The following NXPH4 variants were observed in gnomAD, a reference collection of about 807,000 sequenced individuals.
NXPH4 encodes neurexophilin-4.
Under a neutral mutation model 21.3 loss-of-function variants are expected in NXPH4, and 8 were observed. The ratio of observed to expected loss-of-function variants is 0.38; its 90% CI spans 0.22 to 0.68. NXPH4 has a LOEUF of 0.68. Ranked by LOEUF, NXPH4 falls within the 30% of genes least tolerant of loss-of-function variation. NXPH4 has a pLI of 0.53. For synonymous variants in NXPH4, 219 were observed against 192.6 expected, an observed-to-expected ratio of 1.14 and a Z score of -1.13; for missense variants, 418 against 416.8, an observed-to-expected ratio of 1.00 and a Z score of -0.03.
chr12:57,217,684 C>T (rs1275570407), intron 1 of NXPH4, among the ~76,000 whole-genome samples: 1 of 152,238 alleles, frequency 6.6e-6, no homozygotes, highest in African/African-American at 2.4e-5. Flanking sequence ...CTCCCTGCCT[C>T]CAACCCCACT....
chr12:57,225,252 G>A lies in NXPH4; in HGVS notation c.432G>A (p.Ser144=). Residue 144 remains serine, a synonymous_variant, in exon 2 of 2, where the codon TCG becomes TCA. Transcript: ENST00000349394. ...GTFSVYFRHN[S]SSLGNLSVSI... is the part of the protein sequence containing the mutation. Reference sequence around the variant, plus strand: ...TCAGTGTGTATTTCCGCCACAACTCGTCCAGCCTGGGCAACCTCAGTGTCA... The same window carrying A: ...TCAGTGTGTATTTCCGCCACAACTCATCCAGCCTGGGCAACCTCAGTGTCA... The A allele has an allele frequency of 1.3e-6, 2 of 1,549,622 alleles. No individual in the cohort carries two copies. Among genetic ancestry groups the A allele is most frequent in the Non-Finnish European group, 1.7e-6 (2 of 1,149,512 alleles).
At position 57,225,823 on chromosome 12, in the gene NXPH4, G is replaced by A; in HGVS notation, c.*76G>A. 1 of 1,538,976 alleles carries A rather than the reference G, an allele frequency of 6.5e-7. No individual in the cohort carries two copies. ...GGTGGGACCCCCTTCCCAGTGTTCT[G>A]CCGCTCCTGTGGCCATGTCGCCCAC... On this transcript the variant is annotated 3_prime_UTR_variant, in exon 2 of 2. Coordinates refer to ENST00000349394, the MANE Select transcript of NXPH4 (RefSeq NM_007224.4).
In NXPH4 at chr12:57,225,094, A is replaced by G. The variant is rs577223978; in HGVS notation, c.274A>G (p.Lys92Glu). 8 of 1,492,344 alleles carry G rather than the reference A, an allele frequency of 5.4e-6. No homozygotes were observed. In the East Asian group the frequency reaches 1.5e-4, roughly 27 times the overall value. The allele number at this position is 1,492,344 out of a possible 1,614,324, so 92.4% of individuals were successfully genotyped here. A position where few individuals can be genotyped will look rare whatever the true frequency, so the allele number is the denominator to read the frequency against. Residue 92 changes from lysine (K) to glutamate (E), a missense_variant, in exon 2 of 2, where the codon AAG becomes GAG. Coordinates refer to ENST00000349394, the MANE Select transcript of NXPH4 (RefSeq NM_007224.4). ...CGGGGCGTTGCCCGCGCAGCGCACC[A>G]AGAGGAAGCCGTCCATCAAGGCGGC... ...AAGALPAQRT[K>E]RKPSIKAARA...
chr12:57,216,814 C>T lies in NXPH4; in HGVS notation c.-156C>T. ...CCCCCAGCGCCGGCTCCGCGCCTCGCGCCCAGTCCGCGGGCCGCGCCGCCG... is the reference window on the plus strand; with the variant it reads ...CCCCCAGCGCCGGCTCCGCGCCTCGTGCCCAGTCCGCGGGCCGCGCCGCCG... On this transcript the variant is annotated 5_prime_UTR_variant, in exon 1 of 2. Transcript: ENST00000349394. The surrounding 1 kb of genome is among the most constrained non-coding windows in gnomAD (Gnocchi z 5.3). 3.8e-6 allele frequency: 1 copy of T among 265,264 alleles called. No homozygotes were observed. Among genetic ancestry groups the T allele is most frequent in the Non-Finnish European group, 5.4e-6 (1 of 185,618 alleles). The allele number at this position is 265,264 out of a possible 1,614,324, so 16.4% of individuals were successfully genotyped here.
Position 57,225,416 on chromosome 12 carries a change from C to CGGCGGG in NXPH4, c.598_603dup (p.Ala200_Gly201dup), listed in dbSNP as rs748521991. On this transcript the variant is annotated inframe_insertion, in exon 2 of 2. Transcript: ENST00000349394. ...CCCCCGCTGGGGATGGCAGCAGCAG[C>CGGCGGG]GGCGGGGCCCGGGCTTGGGGGCTCC... is the stretch of plus-strand genomic sequence containing the variant. 6.2e-7 allele frequency: 1 copy of CGGCGGG among 1,601,858 alleles called. No homozygotes were observed. The highest frequency in any genetic ancestry group is 2.2e-5 in the East Asian group (1 of 44,752).
chr12:57,220,614 G>T lies in NXPH4; in HGVS notation c.57+3588G>T, dbSNP rs1258452377. On this transcript the variant is annotated intron_variant, in intron 1 of 1. Coordinates refer to ENST00000349394, the MANE Select transcript of NXPH4 (RefSeq NM_007224.4). ...CCACCAGCGGTCCCCGCCCCCTCAT[G>T]CAGTGGTAGGGTCTGGAAAGAGGTG... Among the ~76,000 whole-genome samples, 4 of 152,218 alleles carry T rather than the reference G, an allele frequency of 2.6e-5. No homozygotes were observed. In the East Asian group the frequency reaches 7.7e-4, roughly 29 times the overall value.
chr12:57,222,114 T>C (rs2037097483), intron 1 of NXPH4, among the ~76,000 whole-genome samples: 1 of 150,100 alleles, frequency 6.7e-6, no homozygotes, highest in Non-Finnish European at 1.5e-5. Flanking sequence ...TTCTCGGCTC[T>C]CGTTTCCTCA....
Position 57,221,398 on chromosome 12 carries a change from G to A in NXPH4, c.58-3480G>A, listed in dbSNP as rs762765725. ...GGGAAAAGCAACGGGCCAGCCTGGA[G>A]GCCCAGGGGAGGTGCACCCTGCAAT... is the stretch of plus-strand genomic sequence containing the variant. On this transcript the variant is annotated intron_variant, in intron 1 of 1. Coordinates refer to ENST00000349394, the MANE Select transcript of NXPH4 (RefSeq NM_007224.4). 112 of 455,250 alleles carry A rather than the reference G, an allele frequency of 2.5e-4. 1 individual carries two copies. The highest frequency in any genetic ancestry group is 2.2e-3 in the African/African-American group (109 of 50,048). 28.2% of individuals were successfully genotyped at this position (455,250 alleles called of 1,614,324 possible). A position where few individuals can be genotyped will look rare whatever the true frequency, so the allele number is the denominator to read the frequency against.
At chr12:57,222,303 G>C (rs1239328904) in intron 1 of NXPH4, among the ~76,000 whole-genome samples, 1 of 152,110 alleles carries the variant, frequency 6.6e-6, no homozygotes, top group Non-Finnish European at 1.5e-5. Flanking sequence ...ATCAGAGATG[G>C]GGGTGACACC....
intron 1 of NXPH4, among the ~76,000 whole-genome samples, chr12:57,218,829 GTGTT>G (rs1300043764): frequency 2.6e-5 from 4 of 152,226 alleles, no homozygotes; most frequent in African/African-American, 4.8e-5. Context: ...GGGTATATGA[GTGTT>G]TGTGTGTCCA....
In NXPH4 at chr12:57,225,380, C is replaced by G; in HGVS notation, c.560C>G (p.Pro187Arg). Residue 187 changes from proline (P) to arginine (R), a missense_variant, in exon 2 of 2, where the codon CCT becomes CGT. Transcript: ENST00000349394. ...QSTLALEGVL[P>R]GLGPPLGMAA... ...ACGCTCGCCCTGGAGGGGGTGCTTC[C>G]TGGGCTGGGGCCCCCGCTGGGGATG... 2 of 1,593,838 alleles carry G rather than the reference C, an allele frequency of 1.3e-6. No homozygotes were observed. The highest frequency in any genetic ancestry group is 2.3e-5 in the South Asian group (2 of 88,516).
Position 57,225,396 on chromosome 12 carries a change from G to T in NXPH4, c.576G>T (p.Pro192=). Residue 192 remains proline, a synonymous_variant, in exon 2 of 2, where the codon CCG becomes CCT. Transcript: ENST00000349394. ...GGGTGCTTCCTGGGCTGGGGCCCCC[G>T]CTGGGGATGGCAGCAGCAGCGGCGG... The part of the protein sequence containing the change: ...LEGVLPGLGP[P]LGMAAAAAGP... The T allele has an allele frequency of 6.3e-7, 1 of 1,598,870 alleles. No individual in the cohort carries two copies.
At position 57,216,871 on chromosome 12, in the gene NXPH4, C is replaced by G. The variant is rs1447290554; in HGVS notation, c.-99C>G. On this transcript the variant is annotated 5_prime_UTR_variant, in exon 1 of 2. Coordinates refer to ENST00000349394, the MANE Select transcript of NXPH4 (RefSeq NM_007224.4). This position sits in a 1 kb window ranked among gnomAD's most constrained non-coding sequence, Gnocchi z 5.3. The stretch of plus-strand genomic sequence containing the variant: ...CCGCTCCCGCCGCTCCCGCCGCTCC[C>G]GCAGCCGCCCCGCCGCCCGCCCGGA... 5.8e-6 allele frequency: 4 copies of G among 692,708 alleles called. No individual in the cohort carries two copies. The East Asian group carries it at 4.0e-4, about 70-fold the overall frequency. The allele number at this position is 692,708 out of a possible 1,614,324, so 42.9% of individuals were successfully genotyped here.
chr12:57,224,171 G>C (rs1775263294), intron 1 of NXPH4, among the ~76,000 whole-genome samples: 1 of 151,948 alleles, frequency 6.6e-6, no homozygotes, highest in South Asian at 2.1e-4. Context: ...TGTCGCCCAG[G>C]CTGGAGTGCA....
chr12:57,225,541 A>C lies in NXPH4; in HGVS notation c.721A>C (p.Asn241His), dbSNP rs765949045. The C allele has an allele frequency of 6.2e-7, 1 of 1,612,920 alleles. No individual in the cohort carries two copies. The part of the protein sequence containing the change: ...FNCHVEYEKT[N>H]RARKHRPCLY... ...TTGCCACGTGGAGTATGAGAAGACAAACCGCGCGCGCAAGCACCGACCGTG... is the reference window on the plus strand; with the variant it reads ...TTGCCACGTGGAGTATGAGAAGACACACCGCGCGCGCAAGCACCGACCGTG... Residue 241 changes from asparagine (N) to histidine (H), a missense_variant, in exon 2 of 2, where the codon AAC (asparagine) becomes CAC (histidine). Physicochemically the swap from Asn to His is moderately conservative, Grantham distance 68. Transcript: ENST00000349394.
At chr12:57,219,568 C>T (rs187218448) in intron 1 of NXPH4, among the ~76,000 whole-genome samples, 1 of 152,154 alleles carries the variant, frequency 6.6e-6, no homozygotes, top group African/African-American at 2.4e-5. Context: ...GCTGGCTGGC[C>T]GAAGCCCCTC....
Position 57,216,859 on chromosome 12 carries a change from TCCCGCCG to T in NXPH4, c.-109_-103del, listed in dbSNP as rs2037042916. 3.8e-5 allele frequency: 21 copies of T among 547,140 alleles called. No individual in the cohort carries two copies. Among genetic ancestry groups the T allele is most frequent in the African/African-American group, 4.9e-5 (2 of 41,198 alleles). The allele number at this position is 547,140 out of a possible 1,614,324, so 33.9% of individuals were successfully genotyped here. A position where few individuals can be genotyped will look rare whatever the true frequency, so the allele number is the denominator to read the frequency against. ...CCGCCGCTCCCGCCGCTCCCGCCGC[TCCCGCCG>T]CTCCCGCAGCCGCCCCGCCGCCCGC... On this transcript the variant is annotated 5_prime_UTR_variant, in exon 1 of 2. Coordinates refer to ENST00000349394, the MANE Select transcript of NXPH4 (RefSeq NM_007224.4). The surrounding 1 kb of genome is among the most constrained non-coding windows in gnomAD (Gnocchi z 5.3).
chr12:57,219,825 TAG>T (rs1466636930), intron 1 of NXPH4: 1 of 152,320 alleles, frequency 6.6e-6, no homozygotes, highest in Non-Finnish European at 1.5e-5. Flanking sequence ...AAGGAGAATT[TAG>T]AGTGTCAGGG....
rs1349375871 is a variant in NXPH4 at position 57,225,891 on chromosome 12, C to T, written c.*144C>T. ...CGGAGGGGAATGGCTTCTCGGGACCCTCAGCTAGCGTGGGTGCCCTTTTCC... is the reference window on the plus strand; with the variant it reads ...CGGAGGGGAATGGCTTCTCGGGACCTTCAGCTAGCGTGGGTGCCCTTTTCC... On this transcript the variant is annotated 3_prime_UTR_variant, in exon 2 of 2. Coordinates refer to ENST00000349394, the MANE Select transcript of NXPH4 (RefSeq NM_007224.4). The T allele has an allele frequency of 1.7e-5, 24 of 1,448,766 alleles. No homozygotes were observed. The highest frequency in any genetic ancestry group is 2.1e-5 in the Non-Finnish European group (23 of 1,106,354). The allele number at this position is 1,448,766 out of a possible 1,614,324, so 89.7% of individuals were successfully genotyped here.
Sources: gnomAD v4.1 joint callset for allele counts (sites outside exome capture counted in the v4.1 genomes callset) on GRCh38, gnomAD v4.1.1 for gene constraint, Gnocchi (gnomAD v3.1) non-coding constraint, MANE v1.5 for transcripts, NCBI Gene and HGNC (gene_info 2026-07-23, HGNC 2026-07-21) for gene names.